The following CHD6 variants were observed in gnomAD, a reference collection of about 807,000 sequenced individuals.
The protein encoded by CHD6 is chromodomain helicase DNA binding protein 6, also known as ATP-dependent chromatin remodeler CHD6.
Under a neutral mutation model 276.9 loss-of-function variants are expected in CHD6, and 50 were observed. That is an observed-to-expected ratio of 0.18 (90% confidence interval 0.14 to 0.23). The LOEUF (loss-of-function observed/expected upper bound fraction) is 0.23, where lower values mean the gene tolerates loss of function less well. CHD6 is among the 10% of genes least tolerant of loss of function. The probability of loss-of-function intolerance (pLI) is 1.00; values close to 1 mark genes in which losing one functional copy is unlikely to be tolerated. For missense variants in CHD6, 2,564 were observed against 3,365.8 expected (o/e 0.76, Z 5.89); for synonymous variants, 1,173 against 1,229.3 (o/e 0.95, Z 0.96).
At chr20:41,463,647 C>T (rs2042852869) in intron 17 of CHD6, among the ~76,000 whole-genome samples, 1 of 152,092 alleles carries the variant, frequency 6.6e-6, no homozygotes, top group Admixed American at 6.5e-5. Context: ...TCTTCAAAAA[C>T]TTGAAGGTCA....
chr20:41,482,574 G>A, intron 16 of CHD6: 1 of 508,392 alleles, frequency 2.0e-6, no homozygotes, highest in Non-Finnish European at 3.9e-6. Context: ...TAGGCTACCA[G>A]TTTCTATGAT....
In CHD6 at chr20:41,533,330, C is replaced by T; in HGVS notation, c.274G>A (p.Val92Met). ...TCCTTTTTCTTCCGTTTCTTCTTCACTCCAGTACCTCCTCCTCCACTGTCC... is the reference window on the plus strand; with the variant it reads ...TCCTTTTTCTTCCGTTTCTTCTTCATTCCAGTACCTCCTCCTCCACTGTCC... ...MEDSGGGGTG[V>M]KKKRKKKEPG... The change falls in exon 3 of 37, where the codon GTG becomes ATG. Residue 92 changes from valine (V) to methionine (M), a missense_variant. Coordinates refer to ENST00000373233, the MANE Select transcript of CHD6 (RefSeq NM_032221.5). 6.2e-7 allele frequency: 1 copy of T among 1,614,080 alleles called. No homozygotes were observed. Among genetic ancestry groups the T allele is most frequent in the Non-Finnish European group, 8.5e-7 (1 of 1,180,010 alleles).
At chr20:41,574,672 T>C (rs1401078168) in intron 1 of CHD6, among the ~76,000 whole-genome samples, 3 of 152,204 alleles carry the variant, frequency 2.0e-5, no homozygotes, top group South Asian at 2.1e-4. Flanking sequence ...TATGAGGTAA[T>C]ATAAACTGGA....
At chr20:41,535,214 C>T (rs1240339235) in intron 2 of CHD6, among the ~76,000 whole-genome samples, 3 of 152,116 alleles carry the variant, frequency 2.0e-5, no homozygotes, top group Admixed American at 6.5e-5. Flanking sequence ...AAGCAGGTGG[C>T]AGTAAGGGAG....
intron 2 of CHD6, among the ~76,000 whole-genome samples, chr20:41,549,243 C>T (rs2146139353): frequency 6.6e-6 from 1 of 151,860 alleles, no homozygotes; most frequent in African/African-American, 2.4e-5. Flanking sequence ...GGAACCAATC[C>T]AAATGTCCAA....
chr20:41,464,791 C>T (rs1391352406), intron 17 of CHD6, among the ~76,000 whole-genome samples: 4 of 151,954 alleles, frequency 2.6e-5, no homozygotes, highest in Non-Finnish European at 4.4e-5. Flanking sequence ...AAGCAAGGAT[C>T]GTTGGAGAAT....
chr20:41,615,155 G>A (rs1191125577), intron 1 of CHD6, among the ~76,000 whole-genome samples: 1 of 152,172 alleles, frequency 6.6e-6, no homozygotes, highest in Non-Finnish European at 1.5e-5. Context: ...CTCTATCACT[G>A]ACTAGCTTTA....
chr20:41,414,986 A>G, intron 34 of CHD6, 200 bp downstream of exon 34: 1 of 1,414,366 alleles, frequency 7.1e-7, no homozygotes, highest in Non-Finnish European at 9.2e-7. Context: ...TCCAGGCTGT[A>G]AGCAGATTAA....
chr20:41,550,938 C>T (rs1013588955), intron 2 of CHD6, among the ~76,000 whole-genome samples: 1 of 152,150 alleles, frequency 6.6e-6, no homozygotes, highest in Non-Finnish European at 1.5e-5. Context: ...AGTAAGAATG[C>T]TTTTAGTTTA....
At chr20:41,545,522 C>CT (rs550868514) in intron 2 of CHD6, among the ~76,000 whole-genome samples, 331 of 152,206 alleles carry the variant, frequency 2.2e-3, no homozygotes, top group African/African-American at 7.4e-3. Context: ...TTCAGACCCT[C>CT]TGCAGGATGA....
At chr20:41,580,474 A>G (rs2045524155) in intron 1 of CHD6, among the ~76,000 whole-genome samples, 1 of 151,946 alleles carries the variant, frequency 6.6e-6, no homozygotes, top group Non-Finnish European at 1.5e-5. Context: ...GGGCAACATA[A>G]GGACGCCCCA....
intron 3 of CHD6, among the ~76,000 whole-genome samples, chr20:41,528,381 T>G (rs921418457): frequency 6.6e-6 from 1 of 152,170 alleles, no homozygotes; most frequent in Admixed American, 6.5e-5. Flanking sequence ...CATCTGTGTA[T>G]GTCTTCTTAG....
rs1442472370 is a variant in CHD6 at position 41,473,220 on chromosome 20, T to C, written c.2664+102A>G. The stretch of plus-strand genomic sequence containing the variant: ...TAAGCCTGTCATCCAGCTGACACCA[T>C]AGCATAGAGCATCACGGATGCTCTG... On this transcript the variant is annotated intron_variant, in intron 17 of 36. Transcript: ENST00000373233. The surrounding 1 kb of genome is among the most constrained non-coding windows in gnomAD (Gnocchi z 4.1). 4.5e-6 allele frequency: 5 copies of C among 1,108,196 alleles called. No homozygotes were observed. The highest frequency in any genetic ancestry group is 5.2e-6 in the Non-Finnish European group (4 of 766,078). The allele number at this position is 1,108,196 out of a possible 1,614,324, so 68.6% of individuals were successfully genotyped here.
intron 8 of CHD6, among the ~76,000 whole-genome samples, chr20:41,495,385 C>T (rs1281290989): frequency 6.6e-6 from 1 of 152,136 alleles, no homozygotes; most frequent in East Asian, 1.9e-4. Flanking sequence ...TATGATCTCA[C>T]TTATATGTGG....
chr20:41,602,604 C>T (rs575056398), intron 1 of CHD6, among the ~76,000 whole-genome samples: 2 of 152,300 alleles, frequency 1.3e-5, no homozygotes, highest in South Asian at 2.1e-4. Context: ...CACTGCTCCT[C>T]GCACTGTCAT....
At chr20:41,600,057 A>G (rs2045758242) in intron 1 of CHD6, among the ~76,000 whole-genome samples, 1 of 152,100 alleles carries the variant, frequency 6.6e-6, no homozygotes, top group African/African-American at 2.4e-5. Flanking sequence ...TTGCTGAGAA[A>G]TTTTCTAAGT....
chr20:41,538,034 T>C (rs1055983217), intron 2 of CHD6, among the ~76,000 whole-genome samples: 1 of 152,212 alleles, frequency 6.6e-6, no homozygotes, highest in Non-Finnish European at 1.5e-5. Context: ...GTCCATACAA[T>C]GGCATATTAT....
In CHD6 at chr20:41,455,011, T is replaced by C. The variant is rs147748489; in HGVS notation, c.3010-275A>G. On this transcript the variant is annotated intron_variant, in intron 19 of 36. Transcript: ENST00000373233. ...CAGGAAGGCAAACCCCGGAAGACAA[T>C]GGCAATGTGACACTTGGTGTCTAGT... 1.1e-3 allele frequency among the ~76,000 whole-genome samples: 168 copies of C among 152,322 alleles called. 1 individual carries two copies. Among genetic ancestry groups the C allele is most frequent in the Admixed American group, 3.1e-3 (48 of 15,304 alleles).
intron 31 of CHD6, 46 bp from the exon 32 acceptor site, chr20:41,417,395 GAGAT>G: frequency 6.5e-7 from 1 of 1,527,292 alleles, no homozygotes; most frequent in Non-Finnish European, 8.9e-7. Flanking sequence ...CTATAGTAGT[GAGAT>G]ACTAGTGATC....
Sources: allele counts gnomAD v4.1 joint callset (sites outside exome capture counted in the v4.1 genomes callset), GRCh38; gene constraint gnomAD v4.1.1; non-coding constraint Gnocchi (gnomAD v3.1); transcripts MANE v1.5; gene names NCBI Gene and HGNC (gene_info 2026-07-23, HGNC 2026-07-21).